The following LRRC7 variants were observed in gnomAD, a reference collection of about 807,000 sequenced individuals.
The protein encoded by LRRC7 is leucine rich repeat containing 7.
A neutral mutation model predicts 175.7 loss-of-function variants in LRRC7; 23 were observed. The ratio of observed to expected loss-of-function variants is 0.13; its 90% confidence interval spans 0.09 to 0.19. The LOEUF (loss-of-function observed/expected upper bound fraction) is 0.19, where lower values mean the gene tolerates loss of function less well. LRRC7 is among the 10% of genes least tolerant of loss of function. LRRC7 has a pLI of 1.00. For missense variants in LRRC7, 1,354 were observed against 1,904.7 expected (o/e 0.71, Z 5.38); for synonymous variants, 685 against 680.9 (o/e 1.01, Z -0.09).
chr1:69,919,017 G>A (rs1646802070), intron 7 of LRRC7, among the ~76,000 whole-genome samples: 1 of 152,098 alleles, frequency 6.6e-6, no homozygotes, highest in Non-Finnish European at 1.5e-5. Flanking sequence ...AAAAGCAATA[G>A]AAAAAGACTT....
At chr1:69,761,744 C>T (rs773517626) in intron 3 of LRRC7, among the ~76,000 whole-genome samples, 9 of 151,938 alleles carry the variant, frequency 5.9e-5, no homozygotes, top group Non-Finnish European at 8.8e-5. Flanking sequence ...AAGATGGCAC[C>T]GTATTCATCT....
intron 7 of LRRC7, among the ~76,000 whole-genome samples, chr1:69,846,884 T>C (rs1490172389): frequency 2.0e-5 from 3 of 152,070 alleles, no homozygotes; most frequent in Admixed American, 6.6e-5. Context: ...ATCTTTATCA[T>C]AAATGAAATA....
intron 1 of LRRC7, among the ~76,000 whole-genome samples, chr1:69,668,250 C>A (rs1658555270): frequency 6.6e-6 from 1 of 152,054 alleles, no homozygotes. Context: ...CACCCATCAA[C>A]CCATCATCTA....
intron 7 of LRRC7, among the ~76,000 whole-genome samples, chr1:69,883,556 T>C (rs1363343826): frequency 3.0e-5 from 3 of 99,102 alleles, no homozygotes; most frequent in Non-Finnish European, 6.5e-5. Context: ...TTCTCCCATT[T>C]TGTAGGTTGC....
chr1:70,109,011 GTTTTGT>G (rs200462801), intron 26 of LRRC7, among the ~76,000 whole-genome samples: 41 of 147,730 alleles, frequency 2.8e-4, no homozygotes, highest in East Asian at 1.2e-3. Context: ...TGTTGTTGTT[GTTTTGT>G]TTTTGTTTTT....
At chr1:70,025,392 A>G (rs1035417818) in intron 17 of LRRC7, among the ~76,000 whole-genome samples, 4 of 151,946 alleles carry the variant, frequency 2.6e-5, no homozygotes, top group Admixed American at 6.6e-5. Context: ...ACTGAATTAA[A>G]TAACTGTTGC....
At chr1:69,924,131 C>A (rs1646981284) in intron 7 of LRRC7, among the ~76,000 whole-genome samples, 1 of 152,108 alleles carries the variant, frequency 6.6e-6, no homozygotes, top group Non-Finnish European at 1.5e-5. Context: ...GGCGTTATTT[C>A]TGAGGGCTGT....
At chr1:70,080,193 C>G (rs1006850819) in intron 24 of LRRC7, among the ~76,000 whole-genome samples, 2 of 152,118 alleles carry the variant, frequency 1.3e-5, no homozygotes, top group African/African-American at 4.8e-5. Context: ...AAAGAAAAAG[C>G]TACTGAACAA....
intron 1 of LRRC7, among the ~76,000 whole-genome samples, chr1:69,624,699 G>A (rs1168797825): frequency 1.3e-5 from 2 of 151,972 alleles, no homozygotes; most frequent in Admixed American, 1.3e-4. Context: ...TGGATGTCAA[G>A]TTTTATTTCA....
At chr1:70,025,911 G>A (rs1490457482) in intron 17 of LRRC7, among the ~76,000 whole-genome samples, 1 of 151,924 alleles carries the variant, frequency 6.6e-6, no homozygotes, top group Non-Finnish European at 1.5e-5. Flanking sequence ...CTTTGGAAGA[G>A]GTGTGTAGCT....
rs943209475 is a variant in LRRC7, at chr1:69,740,510, T to A, written c.101-19681T>A. Among the ~76,000 whole-genome samples the A allele has an allele frequency of 4.6e-5, 7 of 152,132 alleles. No individual in the cohort carries two copies. In the East Asian group the frequency reaches 1.4e-3, roughly 29 times the overall value. ...TTAGCAAATTGGGCAGCCCCCAGAA[T>A]CCCAGCAGATTCAGGGGGACTCCAG... On this transcript the variant is annotated intron_variant, in intron 2 of 26. Transcript: ENST00000651989.
At chr1:69,820,809 C>T (rs1278806431) in intron 4 of LRRC7, among the ~76,000 whole-genome samples, 1 of 152,132 alleles carries the variant, frequency 6.6e-6, no homozygotes, top group Non-Finnish European at 1.5e-5. Context: ...GCGAACAGTG[C>T]TGCAATAGAC....
At chr1:69,903,415 A>T (rs1001421476) in intron 7 of LRRC7, among the ~76,000 whole-genome samples, 11 of 152,132 alleles carry the variant, frequency 7.2e-5, no homozygotes, top group Admixed American at 5.2e-4. Flanking sequence ...GCCATGAAGG[A>T]CTGTGCCGTG....
chr1:69,877,747 A>G (rs1234847674), intron 7 of LRRC7, among the ~76,000 whole-genome samples: 1 of 152,166 alleles, frequency 6.6e-6, no homozygotes, highest in Non-Finnish European at 1.5e-5. Context: ...AACATTTCAT[A>G]TAAGTAGAAT....
intron 2 of LRRC7, among the ~76,000 whole-genome samples, chr1:69,732,280 G>A (rs1038628887): frequency 3.3e-5 from 5 of 151,808 alleles, no homozygotes; most frequent in African/African-American, 1.2e-4. Flanking sequence ...ATTTTTTAAA[G>A]GTTGTTTAGA....
At chr1:69,725,644 G>A (rs990306774) in intron 2 of LRRC7, among the ~76,000 whole-genome samples, 36 of 152,186 alleles carry the variant, frequency 2.4e-4, no homozygotes, top group Non-Finnish European at 5.9e-5. Flanking sequence ...TATGATTAGA[G>A]GAAGTTATTG....
chr1:69,876,564 T>C (rs1686061192), intron 7 of LRRC7, among the ~76,000 whole-genome samples: 1 of 152,144 alleles, frequency 6.6e-6, no homozygotes, highest in Non-Finnish European at 1.5e-5. Context: ...CTTGCTCAAA[T>C]CTCAATGAGG....
intron 25 of LRRC7, among the ~76,000 whole-genome samples, chr1:70,096,059 C>T (rs1664366855): frequency 6.6e-6 from 1 of 151,870 alleles, no homozygotes; most frequent in Admixed American, 6.6e-5. Context: ...CTCACTGCAA[C>T]CTCTGCCTCC....
chr1:70,026,931 G>A (rs942612665), intron 17 of LRRC7, among the ~76,000 whole-genome samples: 22 of 152,098 alleles, frequency 1.4e-4, no homozygotes, highest in African/African-American at 5.3e-4. Context: ...GGGCAAAAGT[G>A]TTTGAATTCA....
Sources: allele counts gnomAD v4.1 joint callset (sites outside exome capture counted in the v4.1 genomes callset), GRCh38; gene constraint gnomAD v4.1.1; transcripts MANE v1.5; gene names NCBI Gene and HGNC (gene_info 2026-07-23, HGNC 2026-07-21).